The following TSHZ3 variants were observed in gnomAD, a reference collection of about 807,000 sequenced individuals.
TSHZ3 encodes the protein teashirt homolog 3.
Under a neutral mutation model 64.5 loss-of-function variants are expected in TSHZ3, and 10 were observed. The ratio of observed to expected loss-of-function variants is 0.16; its 90% CI spans 0.10 to 0.26. TSHZ3 has a LOEUF of 0.26. TSHZ3 is among the 10% of genes least tolerant of loss of function. The probability of loss-of-function intolerance (pLI) is 1.00; values close to 1 mark genes in which losing one functional copy is unlikely to be tolerated. For missense variants in TSHZ3, 1,242 were observed against 1,421.7 expected, an observed-to-expected ratio of 0.87 and a Z score of 2.03; for synonymous variants, 608 against 593.1, an observed-to-expected ratio of 1.03 and a Z score of -0.36.
intron 1 of TSHZ3, among the ~76,000 whole-genome samples, chr19:31,267,364 A>G (rs574741859): frequency 6.6e-6 from 1 of 152,116 alleles, no homozygotes; most frequent in African/African-American, 2.4e-5. Context: ...GAACAAAACC[A>G]TAGGACCTCC....
intron 1 of TSHZ3, among the ~76,000 whole-genome samples, chr19:31,312,737 T>A (rs1332710159): frequency 2.0e-5 from 3 of 152,164 alleles, no homozygotes; most frequent in Non-Finnish European, 2.9e-5. Context: ...TACTCCCTTG[T>A]CAGTTCCATC....
intron 1 of TSHZ3, among the ~76,000 whole-genome samples, chr19:31,309,917 C>T (rs1194736688): frequency 6.6e-6 from 1 of 152,154 alleles, no homozygotes; most frequent in Admixed American, 6.5e-5. Context: ...CACACTCCAA[C>T]CCCCTTGAGG....
chr19:31,303,979 CA>C (rs1361562484), intron 1 of TSHZ3, among the ~76,000 whole-genome samples: 1 of 101,528 alleles, frequency 9.8e-6, no homozygotes, highest in East Asian at 2.7e-4. Flanking sequence ...TTTTTATTTT[CA>C]TTTTTTTTTT....
chr19:31,205,179 G>C (rs1975148576), intron 4 of TSHZ3, among the ~76,000 whole-genome samples: 1 of 152,080 alleles, frequency 6.6e-6, no homozygotes, highest in African/African-American at 2.4e-5. Context: ...ATCAGTCCCT[G>C]AGCAGCCACC....
At chr19:31,350,441 G>A (rs1233452524), upstream of TSHZ3, among the ~76,000 whole-genome samples, 2 of 151,298 alleles carry the variant, frequency 1.3e-5, no homozygotes, top group African/African-American at 4.8e-5. Context: ...GCCGGGCCGC[G>A]CCCCCCATCC....
At chr19:31,333,671 C>T (rs947724534) in intron 1 of TSHZ3, among the ~76,000 whole-genome samples, 4 of 151,964 alleles carry the variant, frequency 2.6e-5, no homozygotes, top group Admixed American at 6.6e-5. Flanking sequence ...TGATGGGGCC[C>T]GGGGGACTTT....
chr19:31,162,076 A>C (rs1409283187), intron 5 of TSHZ3, among the ~76,000 whole-genome samples: 1 of 152,160 alleles, frequency 6.6e-6, no homozygotes, highest in Non-Finnish European at 1.5e-5. Flanking sequence ...GGCTGTGCTC[A>C]TGCATAATTA....
intron 1 of TSHZ3, among the ~76,000 whole-genome samples, chr19:31,346,718 T>C (rs1427378702): frequency 1.3e-5 from 2 of 151,748 alleles, no homozygotes; most frequent in African/African-American, 2.4e-5. Context: ...ATGAACCTTA[T>C]AACTTGCAGC....
intron 5 of TSHZ3, among the ~76,000 whole-genome samples, chr19:31,193,811 T>G (rs1193721310): frequency 6.6e-6 from 1 of 152,222 alleles, no homozygotes; most frequent in African/African-American, 2.4e-5. Flanking sequence ...TTGTTAATTT[T>G]TTTGGCTGGA....
chr19:31,185,588 G>T (rs1312932899), intron 5 of TSHZ3, among the ~76,000 whole-genome samples: 1 of 152,184 alleles, frequency 6.6e-6, no homozygotes, highest in Non-Finnish European at 1.5e-5. Context: ...CAAGGCCATT[G>T]TGTGTCTATT....
intron 1 of TSHZ3, among the ~76,000 whole-genome samples, chr19:31,255,309 C>T (rs1001691566): frequency 6.6e-6 from 1 of 152,128 alleles, no homozygotes; most frequent in African/African-American, 2.4e-5. Flanking sequence ...ACACAGTAAG[C>T]TGCTCTGAAA....
rs566520169 is a variant in TSHZ3 at position 31,282,110 on chromosome 19, G to C, written c.41-2358C>G. Among the ~76,000 whole-genome samples the C allele has an allele frequency of 6.4e-4, 97 of 152,312 alleles. 2 individuals carry two copies. The highest frequency in any genetic ancestry group is 1.0e-4 in the Non-Finnish European group (7 of 68,030). ...TGGGTTTAGCTAGACACAGCCCACT[G>C]TCTGCAGAAGTGCACCGGGTGCATG... On this transcript the variant is annotated intron_variant, in intron 1 of 1. Coordinates refer to ENST00000240587, the MANE Select transcript of TSHZ3 (RefSeq NM_020856.4).
At chr19:31,220,703 C>T (rs1272451039) in intron 4 of TSHZ3, among the ~76,000 whole-genome samples, 1 of 152,126 alleles carries the variant, frequency 6.6e-6, no homozygotes. Context: ...TTTTAAAGGG[C>T]CAGTCTGAGA....
chr19:31,204,566 C>T (rs550840951), intron 5 of TSHZ3, among the ~76,000 whole-genome samples: 18 of 152,212 alleles, frequency 1.2e-4, no homozygotes, highest in Non-Finnish European at 2.1e-4. Context: ...ACACTTACCC[C>T]AGCCATGAGT....
chr19:31,343,988 T>C (rs1267659662), intron 1 of TSHZ3, among the ~76,000 whole-genome samples: 1 of 152,230 alleles, frequency 6.6e-6, no homozygotes, highest in Non-Finnish European at 1.5e-5. Flanking sequence ...CTTATCTTAT[T>C]ATATGACTAT....
Position 31,279,833 on chromosome 19 carries a change from A to C in TSHZ3, c.41-81T>G. The C allele has an allele frequency of 7.7e-7, 1 of 1,303,400 alleles. No individual in the cohort carries two copies. The highest frequency in any genetic ancestry group is 2.4e-5 in the East Asian group (1 of 41,532). The allele number at this position is 1,303,400 out of a possible 1,614,324, so 80.7% of individuals were successfully genotyped here. ...GGGAGAAGGAGAGAAAGAAAAAAAA[A>C]AGCATTAGTACTTGTTGATCTTACC... On this transcript the variant is annotated intron_variant, in intron 1 of 1. Coordinates refer to ENST00000240587, the MANE Select transcript of TSHZ3 (RefSeq NM_020856.4). The surrounding 1 kb of genome is among the most constrained non-coding windows in gnomAD (Gnocchi z 6.4).
upstream of TSHZ3, among the ~76,000 whole-genome samples, chr19:31,350,499 CGGGCTCCCCTGCCCATCCCCCGCCAG>C (rs1169542269): frequency 4.6e-5 from 7 of 151,490 alleles, no homozygotes; most frequent in East Asian, 1.4e-3. Context: ...AGAAGGAAAC[CGGGCTCCCCTGCCCATCCCCCGCCAG>C]GGGCTCCCCC....
At chr19:31,160,705 T>TACACACGTATATACACATAC (rs1974364404) in intron 5 of TSHZ3, among the ~76,000 whole-genome samples, 3 of 151,710 alleles carry the variant, frequency 2.0e-5, no homozygotes, top group African/African-American at 7.3e-5. Context: ...TACACACATA[T>TACACACGTATATACACATAC]ACACACGTAT....
rs148311862 is a variant in TSHZ3 at position 31,330,819 on chromosome 19, G to A, written c.40+18361C>T. On this transcript the variant is annotated intron_variant, in intron 1 of 1. Transcript: ENST00000240587. ...GGAGCTTGTTTTCCCAGCACTTCCT[G>A]TTGGCAGGGTCACAGCTCTACCGAG... Among the ~76,000 whole-genome samples, 123 of 152,158 alleles carry A rather than the reference G, an allele frequency of 8.1e-4. 1 individual carries two copies. The East Asian group carries it at 0.021, about 26-fold the overall frequency.
Sources: allele counts gnomAD v4.1 joint callset (sites outside exome capture counted in the v4.1 genomes callset), GRCh38; gene constraint gnomAD v4.1.1; non-coding constraint Gnocchi (gnomAD v3.1); transcripts MANE v1.5; gene names NCBI Gene and HGNC (gene_info 2026-07-23, HGNC 2026-07-21).